TANC2: variants seen among roughly 807,000 people sequenced by gnomAD.
TANC2 encodes the protein tetratricopeptide repeat, ankyrin repeat and coiled-coil containing 2.
Under a neutral mutation model 210.5 loss-of-function variants are expected in TANC2, and 26 were observed. The observed-to-expected ratio is 0.12, with a 90% CI of 0.09 to 0.17. The LOEUF (loss-of-function observed/expected upper bound fraction) is 0.17, where lower values mean the gene tolerates loss of function less well. TANC2 is among the 10% of genes least tolerant of loss of function. The probability of loss-of-function intolerance (pLI) is 1.00; values close to 1 mark genes in which losing one functional copy is unlikely to be tolerated. For missense variants in TANC2, 2,129 were observed against 2,608.9 expected (o/e 0.82, Z 4.01); for synonymous variants, 931 against 967.1 (o/e 0.96, Z 0.69).
At chr17:62,990,201 G>T (rs527334278) in intron 1 of TANC2, among the ~76,000 whole-genome samples, 2 of 152,236 alleles carry the variant, frequency 1.3e-5, no homozygotes, top group Non-Finnish European at 1.5e-5. Flanking sequence ...CATATGAGAG[G>T]CCTGGAGTGA....
intron 1 of TANC2, among the ~76,000 whole-genome samples, chr17:62,988,295 CTTT>C (rs59386058): frequency 4.5e-5 from 5 of 111,734 alleles, no homozygotes; most frequent in Admixed American, 9.4e-5. Context: ...ACCTGGCTAA[CTTT>C]TTTTTTTTTT....
chr17:63,088,617 A>G (rs1442615121), intron 3 of TANC2: 1 of 152,208 alleles, frequency 6.6e-6, no homozygotes, highest in Non-Finnish European at 1.5e-5. Flanking sequence ...CAGCGCTCCT[A>G]CTAAAGGTTC....
chr17:63,227,934 G>C (rs1261021082), intron 7 of TANC2, among the ~76,000 whole-genome samples: 1 of 152,048 alleles, frequency 6.6e-6, no homozygotes, highest in Non-Finnish European at 1.5e-5. Context: ...TGCAATCTCG[G>C]CTCACGGCAA....
chr17:63,266,372 A>C (rs1028573333), intron 8 of TANC2, among the ~76,000 whole-genome samples: 1 of 152,108 alleles, frequency 6.6e-6, no homozygotes, highest in African/African-American at 2.4e-5. Flanking sequence ...TTTTTTACTA[A>C]CAATTTTGTT....
intron 4 of TANC2, chr17:63,149,082 A>G (rs1264643675): frequency 1.3e-5 from 2 of 152,148 alleles, no homozygotes; most frequent in African/African-American, 4.8e-5. Context: ...TGTGAGCTAT[A>G]AAGATAACCT....
exon 4 of TANC2, chr17:63,099,313 A>G (rs2037532523): frequency 4.5e-6 from 7 of 1,556,322 alleles, no homozygotes; most frequent in East Asian, 4.8e-5. Flanking sequence ...TTACTCACAC[A>G]TCAGTCTATC....
intron 7 of TANC2, among the ~76,000 whole-genome samples, chr17:63,233,851 C>T (rs1406334298): frequency 1.3e-5 from 2 of 152,168 alleles, no homozygotes; most frequent in Non-Finnish European, 2.9e-5. Context: ...TTCGTCTTTA[C>T]CTGACCAACT....
In TANC2 at chr17:63,418,229, A is replaced by G. The variant is rs2048924318; in HGVS notation, c.4168-78A>G. Reference sequence around the variant, plus strand: ...ATCCATGAATGTCAAAAAATGTACAAATAATTTGTTTTATTCCCAAGTTGT... The same window carrying G: ...ATCCATGAATGTCAAAAAATGTACAGATAATTTGTTTTATTCCCAAGTTGT... On this transcript the variant is annotated intron_variant, in intron 26 of 27. Coordinates refer to ENST00000689528, the Ensembl canonical transcript of TANC2. This position sits in a 1 kb window ranked among gnomAD's most constrained non-coding sequence, Gnocchi z 4.6. The G allele has an allele frequency of 7.0e-7, 1 of 1,423,640 alleles. No homozygotes were observed. Among genetic ancestry groups the G allele is most frequent in the Admixed American group, 2.0e-5 (1 of 49,386 alleles). 88.2% of individuals were successfully genotyped at this position (1,423,640 alleles called of 1,614,324 possible).
intron 9 of TANC2, among the ~76,000 whole-genome samples, chr17:63,285,741 G>A (rs1000679420): frequency 6.6e-6 from 1 of 152,144 alleles, no homozygotes; most frequent in Non-Finnish European, 1.5e-5. Context: ...TTGTATACCG[G>A]GAAAACGCAT....
chr17:63,192,021 C>T (rs936151529), intron 5 of TANC2, among the ~76,000 whole-genome samples: 1 of 151,956 alleles, frequency 6.6e-6, no homozygotes, highest in Non-Finnish European at 1.5e-5. Flanking sequence ...TGAGAAGCCC[C>T]CACTAATTCA....
Position 63,046,127 on chromosome 17 carries a change from T to A in TANC2, c.68-27816T>A, listed in dbSNP as rs568169636. ...GAATATTGTTGTTAAATTTTGTATA[T>A]TGCATATACAAAGGTCATACTGTTA... On this transcript the variant is annotated intron_variant, in intron 2 of 27. Coordinates refer to ENST00000689528, the Ensembl canonical transcript of TANC2. Among the ~76,000 whole-genome samples the A allele has an allele frequency of 5.9e-5, 9 of 152,052 alleles. No homozygotes were observed. In the East Asian group the frequency reaches 1.7e-3, roughly 29 times the overall value.
chr17:63,103,371 C>T (rs936632363), intron 4 of TANC2, among the ~76,000 whole-genome samples: 2 of 152,110 alleles, frequency 1.3e-5, no homozygotes, highest in African/African-American at 4.8e-5. Context: ...AAGACCAGCT[C>T]AAGAATAGAT....
chr17:63,145,618 CTT>C lies in TANC2; in HGVS notation c.323-5649_323-5648del, dbSNP rs1328921774. ...CGTAAGATAAGGATCTAACCTCACTCTTTTGCATATTCAGTTTCCTCAAAACC... is the reference window on the plus strand; with the variant it reads ...CGTAAGATAAGGATCTAACCTCACTCTTGCATATTCAGTTTCCTCAAAACC... On this transcript the variant is annotated intron_variant, in intron 4 of 27. Coordinates refer to ENST00000689528, the Ensembl canonical transcript of TANC2. 4.6e-5 allele frequency among the ~76,000 whole-genome samples: 7 copies of C among 152,240 alleles called. No homozygotes were observed. The East Asian group carries it at 5.8e-4, about 13-fold the overall frequency.
intron 3 of TANC2, 147 bp downstream of exon 3, chr17:63,074,161 A>T: frequency 1.9e-6 from 1 of 531,756 alleles, no homozygotes; most frequent in Non-Finnish European, 3.1e-6. Flanking sequence ...ATGATGTAAA[A>T]ATCTATATAT....
At chr17:63,292,081 G>T (rs982515528) in intron 9 of TANC2, among the ~76,000 whole-genome samples, 10 of 152,172 alleles carry the variant, frequency 6.6e-5, no homozygotes, top group African/African-American at 2.4e-4. Context: ...TTAAGTTTGA[G>T]ATTTCTATTG....
intron 1 of TANC2, among the ~76,000 whole-genome samples, chr17:62,973,279 G>A (rs1361470357): frequency 2.0e-5 from 3 of 152,140 alleles, no homozygotes; most frequent in African/African-American, 7.2e-5. Flanking sequence ...TGATCGGCCC[G>A]TCTCAGCCTC....
chr17:63,078,412 T>C (rs1465998038), intron 3 of TANC2, among the ~76,000 whole-genome samples: 1 of 152,120 alleles, frequency 6.6e-6, no homozygotes, highest in Non-Finnish European at 1.5e-5. Flanking sequence ...TCTATGTCAT[T>C]GATTTATACT....
At chr17:63,372,389 G>A (rs2047295348) in intron 14 of TANC2, among the ~76,000 whole-genome samples, 1 of 152,138 alleles carries the variant, frequency 6.6e-6, no homozygotes, top group South Asian at 2.1e-4. Context: ...TAAGGATCAG[G>A]GTTAAGGACA....
chr17:63,162,830 C>G (rs1268913746), intron 5 of TANC2, among the ~76,000 whole-genome samples: 1 of 151,858 alleles, frequency 6.6e-6, no homozygotes, highest in African/African-American at 2.4e-5. Flanking sequence ...GGAATGTGTT[C>G]CGAGAGTGAA....
Sources: allele counts gnomAD v4.1 joint callset (sites outside exome capture counted in the v4.1 genomes callset), GRCh38; gene constraint gnomAD v4.1.1; non-coding constraint Gnocchi (gnomAD v3.1); transcripts MANE v1.5; gene names NCBI Gene and HGNC (gene_info 2026-07-23, HGNC 2026-07-21).